RUFY4: variants seen among roughly 807,000 people sequenced by gnomAD.
The protein encoded by RUFY4 is RUN and FYVE domain-containing protein 4.
Under a neutral mutation model 69.0 loss-of-function variants are expected in RUFY4, and 73 were observed. The observed-to-expected ratio is 1.06, with a 90% CI of 0.88 to 1.29. The LOEUF is 1.29. RUFY4 is among the 50% of genes most tolerant of loss of function. The probability of loss-of-function intolerance (pLI) is 0.00; values close to 1 mark genes in which losing one functional copy is unlikely to be tolerated. For synonymous variants in RUFY4, 287 were observed against 271.8 expected (o/e 1.06, Z -0.55); for missense variants, 770 against 705.6 (o/e 1.09, Z -1.03).
rs775713067 is a variant in RUFY4 at position 218,089,227 on chromosome 2, C to T, written c.1503-25C>T. 5 of 1,571,766 alleles carry T rather than the reference C, an allele frequency of 3.2e-6. No individual in the cohort carries two copies. The East Asian group carries it at 1.1e-4, about 35-fold the overall frequency. ...TTTTGATCTCTGTCTCTGTCTGTGT[C>T]TCTCCACCTTCATCCCCCCATCAGA... On this transcript the variant is annotated intron_variant, in intron 9 of 10. Transcript: ENST00000344321.
chr2:218,069,344 C>T (rs1689424470), upstream of RUFY4: 1 of 152,222 alleles, frequency 6.6e-6, no homozygotes, highest in Non-Finnish European at 1.5e-5. Flanking sequence ...GCCAGGCTCT[C>T]CTGGGTGAGT....
At chr2:218,047,307 T>C (rs905517690) in intron 2 of RUFY4, among the ~76,000 whole-genome samples, 1 of 152,158 alleles carries the variant, frequency 6.6e-6, no homozygotes, top group African/African-American at 2.4e-5. Context: ...CACCGAGTTT[T>C]TTTAACTTAC....
At chr2:218,073,069 C>A (rs1689532689) in intron 4 of RUFY4, among the ~76,000 whole-genome samples, 174 bp from the exon 7 acceptor site, 1 of 151,852 alleles carries the variant, frequency 6.6e-6, no homozygotes, top group Admixed American at 6.6e-5. Flanking sequence ...CTGGGAGCAT[C>A]AGGGTTCTTG....
intron 2 of RUFY4, among the ~76,000 whole-genome samples, chr2:218,035,764 C>T (rs1002681636): frequency 6.6e-6 from 1 of 152,192 alleles, no homozygotes; most frequent in Non-Finnish European, 1.5e-5. Context: ...GTATTAAAAC[C>T]AGGCACCCTG....
Position 218,072,761 on chromosome 2 carries a change from C to A in RUFY4, c.280-18C>A. 1 of 1,490,348 alleles carries A rather than the reference C, an allele frequency of 6.7e-7. No homozygotes were observed. The highest frequency in any genetic ancestry group is 1.3e-5 in the South Asian group (1 of 77,226). 92.3% of individuals were successfully genotyped at this position (1,490,348 alleles called of 1,614,324 possible). ...TGTCCTAATACTGCTCCCCATTCTG[C>A]CCCTGTGCACTCTGCAGTTGAAGAC... On this transcript the variant is annotated intron_variant, in intron 3 of 10. Coordinates refer to ENST00000344321, the Ensembl canonical transcript of RUFY4.
rs371902495 is a variant in RUFY4, at chr2:218,053,788, G to A, written c.-1157-4807G>A. On this transcript the variant is annotated intron_variant and NMD_transcript_variant, in intron 2 of 13. Transcript: ENST00000457754. ...GCTGGGATTACAGGCGTGAGCCACC[G>A]CGCCCAGCCGCACCCGGCTAATTTT... Among the ~76,000 whole-genome samples, 37 of 152,278 alleles carry A rather than the reference G, an allele frequency of 2.4e-4. No individual in the cohort carries two copies. The East Asian group carries it at 6.0e-3, about 25-fold the overall frequency.
chr2:218,049,066 G>A (rs1688888429), intron 2 of RUFY4, among the ~76,000 whole-genome samples: 1 of 152,166 alleles, frequency 6.6e-6, no homozygotes, highest in South Asian at 2.1e-4. Flanking sequence ...TCTACATGGG[G>A]GAAGTTTCAT....
In RUFY4 at chr2:218,051,812, G is replaced by C. The variant is rs73082345; in HGVS notation, c.-1157-6783G>C. ...GGTCTTCTATGTTTGAAACAGAAAG[G>C]TTTTCTTAAAATATTGATCTGCTTT... On this transcript the variant is annotated intron_variant and NMD_transcript_variant, in intron 2 of 13. Transcript: ENST00000457754. 8.9e-3 allele frequency among the ~76,000 whole-genome samples: 1,360 copies of C among 152,208 alleles called. 21 individuals are homozygous for C. The highest frequency in any genetic ancestry group is 0.031 in the African/African-American group (1,283 of 41,526).
At chr2:218,074,392 A>C (rs1689573687) in intron 6 of RUFY4, among the ~76,000 whole-genome samples, 1 of 152,058 alleles carries the variant, frequency 6.6e-6, no homozygotes, top group Non-Finnish European at 1.5e-5. Context: ...CACATCCAGC[A>C]CTGCACAGGG....
chr2:218,049,171 A>G (rs1688891250), intron 2 of RUFY4, among the ~76,000 whole-genome samples: 2 of 152,228 alleles, frequency 1.3e-5, no homozygotes, highest in Non-Finnish European at 2.9e-5. Flanking sequence ...ACCATTCCAA[A>G]TGGCAGGTTT....
At chr2:218,076,377 G>T (rs1012474514) in intron 7 of RUFY4, 50 bp from the exon 10 acceptor site, 1 of 1,540,924 alleles carries the variant, frequency 6.5e-7, no homozygotes, top group African/African-American at 1.4e-5. Context: ...CAGCACTGGG[G>T]TCTCTGCCCT....
chr2:218,050,020 T>G (rs1688909879), intron 2 of RUFY4, among the ~76,000 whole-genome samples: 1 of 152,194 alleles, frequency 6.6e-6, no homozygotes, highest in African/African-American at 2.4e-5. Context: ...ATAGAGTCCA[T>G]GACTGGAGTG....
chr2:218,051,162 T>C (rs111984911), intron 2 of RUFY4, among the ~76,000 whole-genome samples: 2,076 of 152,300 alleles, frequency 0.014, 44 homozygotes, highest in African/African-American at 0.046. Flanking sequence ...TCCTGAGCCA[T>C]TTCTAAATAA....
rs1959010541 is a variant in RUFY4, at chr2:218,038,337, A to G, written c.-1158+2943A>G. Among the ~76,000 whole-genome samples the G allele has an allele frequency of 3.9e-5, 6 of 152,228 alleles. No individual in the cohort carries two copies. In the South Asian group the frequency reaches 8.3e-4, roughly 21 times the overall value. On this transcript the variant is annotated intron_variant and NMD_transcript_variant, in intron 2 of 13. Transcript: ENST00000457754. ...GTTAAACATCTTATTTGTGTTTATT[A>G]TGATGATGCAACTAAGAAGGAAATT...
Position 218,083,745 on chromosome 2 carries a change from TA to T in RUFY4, c.1502+501del, listed in dbSNP as rs933665515. Among the ~76,000 whole-genome samples the T allele has an allele frequency of 8.5e-3, 1,174 of 138,896 alleles. 6 individuals carry two copies. The highest frequency in any genetic ancestry group is 0.012 in the Non-Finnish European group (748 of 63,470). The allele number at this position is 138,896 out of a possible 152,430, so 91.1% of individuals were successfully genotyped here. ...CCTGGGCGACAGAGTGAGAATCCAT[TA>T]AAAAAAAAAAAGGCAGACTTAGTCA... On this transcript the variant is annotated intron_variant, in intron 9 of 10. Coordinates refer to ENST00000344321, the Ensembl canonical transcript of RUFY4.
At chr2:218,048,137 T>C (rs912349979) in intron 2 of RUFY4, among the ~76,000 whole-genome samples, 20 of 152,192 alleles carry the variant, frequency 1.3e-4, no homozygotes, top group African/African-American at 3.9e-4. Flanking sequence ...ATTTTTTGTC[T>C]TTTTTGGTCT....
chr2:218,056,373 A>G (rs1356051766), intron 2 of RUFY4, among the ~76,000 whole-genome samples: 1 of 151,992 alleles, frequency 6.6e-6, no homozygotes, highest in Admixed American at 6.6e-5. Context: ...ATCAGATAGA[A>G]CTTGATGCTA....
chr2:218,075,868 T>G, intron 7 of RUFY4, 128 bp downstream of exon 9: 2 of 980,256 alleles, frequency 2.0e-6, no homozygotes, highest in Non-Finnish European at 2.8e-6. Context: ...CACTCAGGAT[T>G]ATTATTTGGG....
intron 3 of RUFY4, among the ~76,000 whole-genome samples, chr2:218,063,731 G>A (rs1468703757): frequency 1.3e-5 from 2 of 152,166 alleles, no homozygotes. Context: ...ACAGTGTGAG[G>A]GCAGAGCATC....
Sources: allele counts gnomAD v4.1 joint callset (sites outside exome capture counted in the v4.1 genomes callset), GRCh38; gene constraint gnomAD v4.1.1; transcripts MANE v1.5; gene names NCBI Gene and HGNC (gene_info 2026-07-23, HGNC 2026-07-21).